GDPD4: variants seen among roughly 807,000 people sequenced by gnomAD.
The protein encoded by GDPD4 is glycerophosphodiester phosphodiesterase 6.
GDPD4 carries 60 observed loss-of-function variants against 67.8 expected under a neutral mutation model. The ratio of observed to expected loss-of-function variants is 0.88; its 90% CI spans 0.72 to 1.10. The LOEUF (loss-of-function observed/expected upper bound fraction) is 1.10. GDPD4 is among the 50% of genes least tolerant of loss of function. The probability of loss-of-function intolerance (pLI) is 0.00; values close to 1 mark genes in which losing one functional copy is unlikely to be tolerated. For synonymous variants in GDPD4, 212 were observed against 210.9 expected (o/e 1.00, Z -0.04); for missense variants, 623 against 613.9 (o/e 1.01, Z -0.16).
chr11:77,265,358 G>T (rs924144327), intron 10 of GDPD4, among the ~76,000 whole-genome samples: 1 of 152,126 alleles, frequency 6.6e-6, no homozygotes, highest in African/African-American at 2.4e-5. Flanking sequence ...GCATAAACTG[G>T]AGCAGTATAT....
rs745515044 is a variant in GDPD4 at position 77,242,690 on chromosome 11, GA to G, written c.1241+1003del. On this transcript the variant is annotated intron_variant, in intron 13 of 16. Coordinates refer to ENST00000315938, the MANE Select transcript of GDPD4 (RefSeq NM_182833.3). The stretch of plus-strand genomic sequence containing the variant: ...ATCATTCTAGAGCCATTTTCTATTT[GA>G]AAAAAAAAGTAGAAGAAAATAGAAA... 3.3e-4 allele frequency among the ~76,000 whole-genome samples: 49 copies of G among 149,654 alleles called. 2 individuals are homozygous for G. The East Asian group carries it at 9.1e-3, about 28-fold the overall frequency.
chr11:77,237,405 A>T (rs1321685108), intron 13 of GDPD4, among the ~76,000 whole-genome samples: 4 of 152,242 alleles, frequency 2.6e-5, no homozygotes, highest in Admixed American at 2.6e-4. Flanking sequence ...AAAGGAAGAA[A>T]AAATGAATAT....
At chr11:77,295,564 G>A (rs1034746455) in intron 1 of GDPD4, among the ~76,000 whole-genome samples, 5 of 152,054 alleles carry the variant, frequency 3.3e-5, no homozygotes, top group African/African-American at 1.2e-4. Flanking sequence ...CTGGGAGGTT[G>A]AGGCTGCAGC....
chr11:77,250,940 ACT>A (rs1219285751), intron 11 of GDPD4, among the ~76,000 whole-genome samples: 3 of 151,758 alleles, frequency 2.0e-5, no homozygotes, highest in Middle Eastern at 3.2e-3. Context: ...TTGGAACTAA[ACT>A]CTGTTTTATC....
chr11:77,229,053 G>A, intron 15 of GDPD4, 97 bp downstream of exon 15: 1 of 597,530 alleles, frequency 1.7e-6, no homozygotes, highest in Admixed American at 3.2e-5. Flanking sequence ...CTTGCCATGT[G>A]GGATTACGGG....
intron 3 of GDPD4, among the ~76,000 whole-genome samples, chr11:77,282,478 A>AT (rs1959801029): frequency 6.6e-6 from 1 of 152,022 alleles, no homozygotes; most frequent in Non-Finnish European, 1.5e-5. Context: ...ACATGGCGAA[A>AT]CCTGTCTCCA....
At position 77,294,190 on chromosome 11, in the gene GDPD4, C is replaced by T. The variant is rs189166735; in HGVS notation, c.-253-6770G>A. Among the ~76,000 whole-genome samples, 489 of 152,162 alleles carry T rather than the reference C, an allele frequency of 3.2e-3. 3 individuals carry two copies. The highest frequency in any genetic ancestry group is 0.011 in the African/African-American group (467 of 41,520). On this transcript the variant is annotated intron_variant, in intron 1 of 16. Transcript: ENST00000315938. ...TGAATGATATCTGAAGTTTAGTTAC[C>T]AGTAATGTACTAACGTTATCTTAGT... is the stretch of plus-strand genomic sequence containing the variant.
At chr11:77,234,701 T>A (rs1278337021) in intron 13 of GDPD4, among the ~76,000 whole-genome samples, 1 of 152,258 alleles carries the variant, frequency 6.6e-6, no homozygotes, top group African/African-American at 2.4e-5. Flanking sequence ...GGCTGCATAG[T>A]ATTCCATGGT....
chr11:77,218,373 T>TTA (rs777638466), intron 16 of GDPD4, among the ~76,000 whole-genome samples: 57 of 152,298 alleles, frequency 3.7e-4, no homozygotes, highest in Non-Finnish European at 7.2e-4. Flanking sequence ...ATCTTTGGGG[T>TTA]TATCATAGGA....
At chr11:77,264,976 T>C (rs1316727851) in intron 10 of GDPD4, among the ~76,000 whole-genome samples, 1 of 152,144 alleles carries the variant, frequency 6.6e-6, no homozygotes, top group African/African-American at 2.4e-5. Flanking sequence ...AGAGAGCTGC[T>C]CTGAAATCAT....
intron 12 of GDPD4, among the ~76,000 whole-genome samples, chr11:77,244,999 A>G (rs1271875906): frequency 6.6e-6 from 1 of 152,242 alleles, no homozygotes; most frequent in Non-Finnish European, 1.5e-5. Context: ...AGGTCACATT[A>G]GATAGTTATT....
chr11:77,234,024 C>T (rs943818543), intron 13 of GDPD4, among the ~76,000 whole-genome samples: 1 of 152,136 alleles, frequency 6.6e-6, no homozygotes, highest in Non-Finnish European at 1.5e-5. Flanking sequence ...TTCAATTTCT[C>T]AGAAAACATA....
chr11:77,267,129 T>C (rs1959181731), intron 10 of GDPD4, among the ~76,000 whole-genome samples: 1 of 152,222 alleles, frequency 6.6e-6, no homozygotes, highest in African/African-American at 2.4e-5. Context: ...TGTTTGGATA[T>C]ATTTAGATAC....
At chr11:77,277,391 CTTTTT>C (rs71043564) in intron 4 of GDPD4, among the ~76,000 whole-genome samples, 5 of 58,346 alleles carry the variant, frequency 8.6e-5, no homozygotes, top group Admixed American at 3.0e-4. Flanking sequence ...GCCATGTTTC[CTTTTT>C]TTTTTTTTTT....
intron 1 of GDPD4, among the ~76,000 whole-genome samples, chr11:77,290,922 G>A (rs1442058658): frequency 2.6e-5 from 4 of 152,118 alleles, no homozygotes; most frequent in African/African-American, 9.7e-5. Context: ...CTGTTGGTGG[G>A]AACATAAATT....
intron 11 of GDPD4, among the ~76,000 whole-genome samples, chr11:77,251,726 A>G (rs950419895): frequency 3.9e-5 from 6 of 152,212 alleles, no homozygotes; most frequent in South Asian, 4.1e-4. Flanking sequence ...TCTTAGATCT[A>G]TATGTCCACC....
At chr11:77,289,504 G>T (rs1476995895) in intron 1 of GDPD4, among the ~76,000 whole-genome samples, 1 of 142,002 alleles carries the variant, frequency 7.0e-6, no homozygotes, top group African/African-American at 2.6e-5. Context: ...GGGGGTGGGG[G>T]GAATCATTTA....
At position 77,243,686 on chromosome 11, in the gene GDPD4, A is replaced by G. The variant is rs1171498067; in HGVS notation, c.1241+8T>C. 1 of 1,608,936 alleles carries G rather than the reference A, an allele frequency of 6.2e-7. No individual in the cohort carries two copies. The highest frequency in any genetic ancestry group is 1.7e-5 in the Admixed American group (1 of 59,974). ...TATGTGCCAAGAGAGGTGTGGTCAA[A>G]CACTTACCTTAACCCATTAGGGAAC... On this transcript the variant is annotated splice_region_variant and intron_variant, in intron 13 of 16. Coordinates refer to ENST00000315938, the MANE Select transcript of GDPD4 (RefSeq NM_182833.3).
Position 77,276,110 on chromosome 11 carries a change from C to T in GDPD4, c.207+51G>A, listed in dbSNP as rs559999301. The T allele has an allele frequency of 2.2e-6, 3 of 1,373,664 alleles. No homozygotes were observed. In the South Asian group the frequency reaches 3.5e-5, roughly 16 times the overall value. 85.1% of individuals were successfully genotyped at this position (1,373,664 alleles called of 1,614,324 possible). A position where few individuals can be genotyped will look rare whatever the true frequency, so the allele number is the denominator to read the frequency against. ...ACCAAGGAGCATGTTCAGGCCTGGT[C>T]TAAGGTTCAGTCCTGGTCTAAGGTT... is the stretch of plus-strand genomic sequence containing the variant. On this transcript the variant is annotated intron_variant, in intron 5 of 16. Coordinates refer to ENST00000315938, the MANE Select transcript of GDPD4 (RefSeq NM_182833.3).
Sources: allele counts gnomAD v4.1 joint callset (sites outside exome capture counted in the v4.1 genomes callset), GRCh38; gene constraint gnomAD v4.1.1; transcripts MANE v1.5; gene names NCBI Gene and HGNC (gene_info 2026-07-23, HGNC 2026-07-21).